The following PLXNB1 variants were observed in gnomAD, a reference collection of about 807,000 sequenced individuals.
PLXNB1 encodes plexin-B1.
In PLXNB1, 106 loss-of-function variants were observed where a neutral mutation model predicts 209.4. The ratio of observed to expected loss-of-function variants is 0.51; its 90% CI spans 0.43 to 0.59. The LOEUF (loss-of-function observed/expected upper bound fraction) is 0.59, where lower values mean the gene tolerates loss of function less well. Among genes scored for constraint, PLXNB1 ranks in the 20% least tolerant of loss-of-function variants. The probability of loss-of-function intolerance (pLI) is 0.00; values close to 1 mark genes in which losing one functional copy is unlikely to be tolerated. For missense variants in PLXNB1, 2,357 were observed against 2,853.2 expected (o/e 0.83, Z 3.96); for synonymous variants, 1,167 against 1,183.2 (o/e 0.99, Z 0.28).
In PLXNB1 at chr3:48,412,453, C is replaced by T. The variant is rs754663918; in HGVS notation, c.5022G>A (p.Leu1674=). The change falls in exon 26 of 38, where the codon CTG becomes CTA. Residue 1674 remains leucine (L), a synonymous_variant. Transcript: ENST00000296440. ...ACAGCCACACAGACCTGCGCAGCAT[C>T]AGCTTGGGGTTCTTGGCCACATACT... ...VAQYVAKNPK[L]MLRRTETVVE... is the part of the protein sequence containing the mutation. 2 of 1,613,500 alleles carry T rather than the reference C, an allele frequency of 1.2e-6. No homozygotes were observed. The highest frequency in any genetic ancestry group is 2.7e-5 in the African/African-American group (2 of 74,948).
chr3:48,416,690 A>C lies in PLXNB1; in HGVS notation c.3375-239T>G. ...TTAAGTTCAACCCCAGGGGCCCCCA[A>C]TAAGGAAGAATTTATCTGTGGCATA... On this transcript the variant is annotated intron_variant, in intron 16 of 37. Transcript: ENST00000296440. This position sits in a 1 kb window ranked among gnomAD's most constrained non-coding sequence, Gnocchi z 4.1. 15 of 370,552 alleles carry C rather than the reference A, an allele frequency of 4.0e-5. No individual in the cohort carries two copies. Among genetic ancestry groups the C allele is most frequent in the Non-Finnish European group, 5.3e-5 (11 of 208,318 alleles). 23.0% of individuals were successfully genotyped at this position (370,552 alleles called of 1,614,324 possible).
chr3:48,417,999 C>T lies in PLXNB1; in HGVS notation c.3286G>A (p.Gly1096Ser), dbSNP rs2038210981. The T allele has an allele frequency of 6.2e-7, 1 of 1,613,512 alleles. No homozygotes were observed. The highest frequency in any genetic ancestry group is 8.5e-7 in the Non-Finnish European group (1 of 1,180,016). ...TRVTIRGSNL[G>S]QHVQDVLGMV... ...CCCAGCACATCCTGCACATGCTGGC[C>T]CAGGTTGGAGCCCCTGATGGTGACA... Residue 1096 changes from glycine (G) to serine (S), a missense_variant, in exon 16 of 38, where the codon GGC becomes AGC. Coordinates refer to ENST00000296440, the MANE Select transcript of PLXNB1 (RefSeq NM_001130082.3). This position sits in a 1 kb window ranked among gnomAD's most constrained non-coding sequence, Gnocchi z 4.4.
In PLXNB1 at chr3:48,420,898, G is replaced by A; in HGVS notation, c.1869C>T (p.Ser623=). 1 of 1,614,118 alleles carries A rather than the reference G, an allele frequency of 6.2e-7. No individual in the cohort carries two copies. The highest frequency in any genetic ancestry group is 8.5e-7 in the Non-Finnish European group (1 of 1,179,966). Residue 623 remains serine, a synonymous_variant, in exon 9 of 38, where the codon TCC becomes TCT. Transcript: ENST00000296440. ...CCGCCACACAGTCATAGAAAGAGAGGGAAGTTTTGGCGATCACAACAGCGC... is the reference window on the plus strand; with the variant it reads ...CCGCCACACAGTCATAGAAAGAGAGAGAAGTTTTGGCGATCACAACAGCGC... ...RFGAVVIAKT[S]LSFYDCVAVT... is the part of the protein sequence containing the mutation.
intron 1 of PLXNB1, among the ~76,000 whole-genome samples, chr3:48,427,762 C>G (rs973103093): frequency 1.9e-4 from 29 of 152,206 alleles, no homozygotes; most frequent in African/African-American, 6.3e-4. Context: ...AACTCCTACA[C>G]CAACCATCCT....
In PLXNB1 at chr3:48,411,144, C is replaced by G. The variant is rs1466807295; in HGVS notation, c.5248-108G>C. The G allele has an allele frequency of 1.1e-6, 1 of 887,552 alleles. No homozygotes were observed. Among genetic ancestry groups the G allele is most frequent in the East Asian group, 2.6e-5 (1 of 37,742 alleles). 55.0% of individuals were successfully genotyped at this position (887,552 alleles called of 1,614,324 possible). ...GAGAAACTGCTGCCTCCAATCCCCACGCACCACACAATCCCTAATTCTCGT... is the reference window on the plus strand; with the variant it reads ...GAGAAACTGCTGCCTCCAATCCCCAGGCACCACACAATCCCTAATTCTCGT... On this transcript the variant is annotated intron_variant, in intron 28 of 37. Coordinates refer to ENST00000296440, the MANE Select transcript of PLXNB1 (RefSeq NM_001130082.3). This position sits in a 1 kb window ranked among gnomAD's most constrained non-coding sequence, Gnocchi z 4.0.
rs867728173 is a variant in PLXNB1 at position 48,428,580 on chromosome 3, C to T, written c.-60+1428G>A. ...GGGGCCATAGGACAGCCCACATTTGCCTTGCCTGCCAGTTAGTGGGAAACC... is the reference window on the plus strand; with the variant it reads ...GGGGCCATAGGACAGCCCACATTTGTCTTGCCTGCCAGTTAGTGGGAAACC... On this transcript the variant is annotated intron_variant, in intron 1 of 37. Coordinates refer to ENST00000296440, the MANE Select transcript of PLXNB1 (RefSeq NM_001130082.3). 2.0e-5 allele frequency among the ~76,000 whole-genome samples: 3 copies of T among 152,330 alleles called. No individual in the cohort carries two copies. The South Asian group carries it at 6.2e-4, about 32-fold the overall frequency.
At position 48,421,310 on chromosome 3, in the gene PLXNB1, C is replaced by A; in HGVS notation, c.1728G>T (p.Gln576His). The change falls in exon 8 of 38, where the codon CAG (glutamine) becomes CAT (histidine). Residue 576 changes from glutamine to histidine, a missense_variant. Physicochemically the swap from Gln to His is conservative, Grantham distance 24. Around this residue, in one of 7 missense-constraint regions of PLXNB1, gnomAD observed 214 missense variants for 297.1 expected, o/e 0.72. Transcript: ENST00000296440. ...ESYSCHFGEH[Q>H]SPALLTGSGV... ...CAGAACCAGTCAGCAGGGCAGGACT[C>A]TGATGTTCCCCAAAGTGGCAGGAAT... is the stretch of plus-strand genomic sequence containing the variant. 1 of 1,597,896 alleles carries A rather than the reference C, an allele frequency of 6.3e-7. No homozygotes were observed. Among genetic ancestry groups the A allele is most frequent in the Non-Finnish European group, 8.5e-7 (1 of 1,170,444 alleles).
intron 10 of PLXNB1, among the ~76,000 whole-genome samples, 199 bp downstream of exon 10, chr3:48,420,464 CCT>C (rs2038433603): frequency 6.6e-6 from 1 of 152,162 alleles, no homozygotes; most frequent in Non-Finnish European, 1.5e-5. Context: ...CCAGACATCC[CCT>C]GCCTCTCAGC....
In PLXNB1 at chr3:48,411,920, GGCCTT is replaced by G; in HGVS notation, c.5185_5189del (p.Lys1729GlnfsTer45). Reference sequence around the variant, plus strand: ...GGCGGTTGTCGTTCAAGGTGTATTTGGCCTTGCCTGTCACACTGTCCACTGGCCCC... The same window carrying G: ...GGCGGTTGTCGTTCAAGGTGTATTTGGCCTGTCACACTGTCCACTGGCCCC... On this transcript the variant is annotated frameshift_variant, in exon 28 of 38. Transcript: ENST00000296440. LOFTEE classifies it high-confidence loss of function. The surrounding 1 kb of genome is among the most constrained non-coding windows in gnomAD (Gnocchi z 4.0). 1 of 1,614,128 alleles carries G rather than the reference GGCCTT, an allele frequency of 6.2e-7. No homozygotes were observed. The highest frequency in any genetic ancestry group is 8.5e-7 in the Non-Finnish European group (1 of 1,180,016).
Position 48,411,225 on chromosome 3 carries a change from A to C in PLXNB1, c.5248-189T>G, listed in dbSNP as rs1227373983. Among the ~76,000 whole-genome samples, 1 of 152,176 alleles carries C rather than the reference A, an allele frequency of 6.6e-6. No homozygotes were observed. The highest frequency in any genetic ancestry group is 1.9e-4 in the East Asian group (1 of 5,188). On this transcript the variant is annotated intron_variant, in intron 28 of 37. Coordinates refer to ENST00000296440, the MANE Select transcript of PLXNB1 (RefSeq NM_001130082.3). This position sits in a 1 kb window ranked among gnomAD's most constrained non-coding sequence, Gnocchi z 4.0. ...GCAGCTTCCTCCCCATTGTGACCCC[A>C]GCACCTAGCGCAGTGCACTTGTAAA...
Position 48,416,603 on chromosome 3 carries a change from ATTCT to A in PLXNB1, c.3375-156_3375-153del. ...GAGACCCTCTCTCACTTTGGAGGGA[ATTCT>A]TTATGACACATCAGAAGGCCTTGGT... On this transcript the variant is annotated intron_variant, in intron 16 of 37. Transcript: ENST00000296440. The surrounding 1 kb of genome is among the most constrained non-coding windows in gnomAD (Gnocchi z 4.1). 1 of 532,350 alleles carries A rather than the reference ATTCT, an allele frequency of 1.9e-6. No homozygotes were observed. Among genetic ancestry groups the A allele is most frequent in the Admixed American group, 3.7e-5 (1 of 27,002 alleles). 33.0% of individuals were successfully genotyped at this position (532,350 alleles called of 1,614,324 possible).
chr3:48,422,969 A>G, intron 3 of PLXNB1, 22 bp from the exon 4 acceptor site: 1 of 1,603,536 alleles, frequency 6.2e-7, no homozygotes, highest in Non-Finnish European at 8.5e-7. Flanking sequence ...AAGAAGCATC[A>G]GGAAGGCCCT....
In PLXNB1 at chr3:48,420,780, A is replaced by C; in HGVS notation, c.1920-7T>G. 6.2e-7 allele frequency: 1 copy of C among 1,613,760 alleles called. No individual in the cohort carries two copies. Among genetic ancestry groups the C allele is most frequent in the Non-Finnish European group, 8.5e-7 (1 of 1,179,734 alleles). On this transcript the variant is annotated splice_polypyrimidine_tract_variant and splice_region_variant and intron_variant, in intron 9 of 37. Coordinates refer to ENST00000296440, the MANE Select transcript of PLXNB1 (RefSeq NM_001130082.3). Reference sequence around the variant, plus strand: ...GCTCACACAGGCCTGGCACCTGCACAGAGCACAGCCATGGGGCAAGGGTCG... The same window carrying C: ...GCTCACACAGGCCTGGCACCTGCACCGAGCACAGCCATGGGGCAAGGGTCG...
rs1165067812 is a variant in PLXNB1 at position 48,411,057 on chromosome 3, C to A, written c.5248-21G>T. The A allele has an allele frequency of 3.8e-6, 6 of 1,598,762 alleles. No individual in the cohort carries two copies. The highest frequency in any genetic ancestry group is 5.1e-6 in the Non-Finnish European group (6 of 1,170,144). On this transcript the variant is annotated intron_variant, in intron 28 of 37. Transcript: ENST00000296440. The surrounding 1 kb of genome is among the most constrained non-coding windows in gnomAD (Gnocchi z 4.0). Reference sequence around the variant, plus strand: ...AAGGTCTGTGCAGGACACACAGGAGCCATCAGGGTTCATGTGCACTCAGGA... The same window carrying A: ...AAGGTCTGTGCAGGACACACAGGAGACATCAGGGTTCATGTGCACTCAGGA...
chr3:48,413,561 T>C lies in PLXNB1; in HGVS notation c.4535+109A>G, dbSNP rs575272175. On this transcript the variant is annotated intron_variant, in intron 23 of 37. Transcript: ENST00000296440. The surrounding 1 kb of genome is among the most constrained non-coding windows in gnomAD (Gnocchi z 5.4). ...GCCTGCAAAGCGAAAATATTTACTC[T>C]CTGGCCATTTACAGAGAATGTTTCC... 1 of 1,192,414 alleles carries C rather than the reference T, an allele frequency of 8.4e-7. No individual in the cohort carries two copies. The highest frequency in any genetic ancestry group is 2.9e-5 in the Admixed American group (1 of 35,042). The allele number at this position is 1,192,414 out of a possible 1,614,324, so 73.9% of individuals were successfully genotyped here.
Position 48,404,319 on chromosome 3 carries a change from G to C in PLXNB1, c.*167C>G. The C allele has an allele frequency of 1.7e-6, 1 of 587,144 alleles. No individual in the cohort carries two copies. The highest frequency in any genetic ancestry group is 3.0e-6 in the Non-Finnish European group (1 of 331,216). 36.4% of individuals were successfully genotyped at this position (587,144 alleles called of 1,614,324 possible). ...GAGCCTTGAGGCCCCGGGTCTAGGA[G>C]GTGGATCCAGCAGGGCCGAGGCCAG... is the stretch of plus-strand genomic sequence containing the variant. On this transcript the variant is annotated 3_prime_UTR_variant, in exon 38 of 38. Coordinates refer to ENST00000296440, the MANE Select transcript of PLXNB1 (RefSeq NM_001130082.3).
At chr3:48,407,454 A>G (rs188326335) in intron 34 of PLXNB1, among the ~76,000 whole-genome samples, 1 of 152,274 alleles carries the variant, frequency 6.6e-6, no homozygotes, top group East Asian at 1.9e-4. Context: ...GACCCAGAAC[A>G]TTACCTAAGC....
chr3:48,421,691 G>A lies in PLXNB1; in HGVS notation c.1636C>T (p.Arg546Ter), dbSNP rs2038532383. Residue 546 changes from arginine (R) to a stop codon, truncating the protein, a stop_gained, in exon 7 of 38, where the codon CGA (arginine) becomes TGA (stop). Coordinates refer to ENST00000296440, the MANE Select transcript of PLXNB1 (RefSeq NM_001130082.3). LOFTEE classifies it high-confidence loss of function. Reference protein sequence around the residue: ...VAAMSPANISREETREVFLSV... With the variant: ...VAAMSPANIS The stretch of plus-strand genomic sequence containing the variant: ...TCATTCACCTCCCTCGTCTCCTCTC[G>A]GCTGATGTTGGCAGGACTCATGGCT... 6 of 1,605,646 alleles carry A rather than the reference G, an allele frequency of 3.7e-6. No homozygotes were observed. Among genetic ancestry groups the A allele is most frequent in the Non-Finnish European group, 5.1e-6 (6 of 1,173,484 alleles).
At position 48,429,104 on chromosome 3, in the gene PLXNB1, T is replaced by C. The variant is rs912014120; in HGVS notation, c.-60+904A>G. On this transcript the variant is annotated intron_variant, in intron 1 of 37. Transcript: ENST00000296440. The surrounding 1 kb of genome is among the most constrained non-coding windows in gnomAD (Gnocchi z 6.4). ...CCAGGCGGAGTCGCCAGAGTTTCCCTTCGCGCGGAGAAGTGTGGTCCCAAC... is the reference window on the plus strand; with the variant it reads ...CCAGGCGGAGTCGCCAGAGTTTCCCCTCGCGCGGAGAAGTGTGGTCCCAAC... The C allele has an allele frequency of 5.3e-5, 8 of 152,200 alleles. No individual in the cohort carries two copies. Among genetic ancestry groups the C allele is most frequent in the African/African-American group, 1.7e-4 (7 of 41,456 alleles). The allele number at this position is 152,200 out of a possible 1,614,324, so 9.4% of individuals were successfully genotyped here. A position where few individuals can be genotyped will look rare whatever the true frequency, so the allele number is the denominator to read the frequency against.
Sources: allele counts gnomAD v4.1 joint callset (sites outside exome capture counted in the v4.1 genomes callset), GRCh38; gene constraint gnomAD v4.1.1; regional missense constraint gnomAD v4.1.1; non-coding constraint Gnocchi (gnomAD v3.1); transcripts MANE v1.5; gene names NCBI Gene and HGNC (gene_info 2026-07-23, HGNC 2026-07-21).